B3GAT2: variants seen among roughly 807,000 people sequenced by gnomAD.
The protein encoded by B3GAT2 is galactosylgalactosylxylosylprotein 3-beta-glucuronosyltransferase 2.
B3GAT2 carries 26 observed loss-of-function variants against 27.8 expected under a neutral mutation model. That is an observed-to-expected ratio of 0.93 (90% CI 0.68 to 1.30). The LOEUF (loss-of-function observed/expected upper bound fraction) is 1.30. Ranked by LOEUF, B3GAT2 falls within the 50% of genes most tolerant of loss-of-function variation. B3GAT2 has a pLI of 0.00. For synonymous variants in B3GAT2, 218 were observed against 195.1 expected, an observed-to-expected ratio of 1.12 and a Z score of -0.98; for missense variants, 458 against 459.0, an observed-to-expected ratio of 1.00 and a Z score of 0.02.
intron 1 of B3GAT2, among the ~76,000 whole-genome samples, chr6:70,918,088 G>A (rs931550044): frequency 1.3e-5 from 2 of 152,124 alleles, no homozygotes; most frequent in Admixed American, 6.5e-5. Flanking sequence ...GGGTGCTCCT[G>A]TATTGGGTGC....
chr6:70,880,638 C>T (rs576821549), intron 2 of B3GAT2, among the ~76,000 whole-genome samples: 4 of 151,654 alleles, frequency 2.6e-5, no homozygotes, highest in African/African-American at 7.3e-5. Context: ...ACAGCGTGCA[C>T]CACCACAGCT....
At chr6:70,896,605 G>T (rs1042598105) in intron 1 of B3GAT2, among the ~76,000 whole-genome samples, 7 of 152,126 alleles carry the variant, frequency 4.6e-5, no homozygotes, top group Non-Finnish European at 7.4e-5. Flanking sequence ...ACATTAGTTT[G>T]CATCCTCTAG....
chr6:70,858,264 C>G lies in B3GAT2; in HGVS notation c.*3399G>C, dbSNP rs1554211076. On this transcript the variant is annotated 3_prime_UTR_variant, in exon 4 of 4. Transcript: ENST00000230053. ...ATTTACTTTCTAGCTTCTCCCAAAT[C>G]AAACCAGATTTATTTTCTAAATCTT... is the stretch of plus-strand genomic sequence containing the variant. 1.8e-6 allele frequency: 1 copy of G among 561,652 alleles called. No individual in the cohort carries two copies. The highest frequency in any genetic ancestry group is 3.1e-6 in the Non-Finnish European group (1 of 326,064). The allele number at this position is 561,652 out of a possible 1,614,324, so 34.8% of individuals were successfully genotyped here.
intron 2 of B3GAT2, among the ~76,000 whole-genome samples, chr6:70,888,110 G>A (rs1051396084): frequency 6.6e-6 from 1 of 152,204 alleles, no homozygotes; most frequent in Non-Finnish European, 1.5e-5. Context: ...TATGGATACA[G>A]GAGGCCCAGC....
chr6:70,915,381 T>C (rs945166118), intron 1 of B3GAT2, among the ~76,000 whole-genome samples: 2 of 152,238 alleles, frequency 1.3e-5, no homozygotes, highest in African/African-American at 4.8e-5. Flanking sequence ...TGGTAGTTTA[T>C]TTTGCTGTGC....
At chr6:70,897,041 G>A (rs1250445172) in intron 1 of B3GAT2, among the ~76,000 whole-genome samples, 3 of 152,056 alleles carry the variant, frequency 2.0e-5, no homozygotes, top group South Asian at 2.1e-4. Flanking sequence ...TGTAAGAGAC[G>A]TCTAGTTCCT....
At chr6:70,946,029 T>A (rs1765477328) in intron 1 of B3GAT2, among the ~76,000 whole-genome samples, 1 of 151,628 alleles carries the variant, frequency 6.6e-6, no homozygotes, top group Non-Finnish European at 1.5e-5. Context: ...TGCTGAGAGA[T>A]TTTGCCACCA....
At chr6:70,900,563 T>C (rs1001678333) in intron 1 of B3GAT2, among the ~76,000 whole-genome samples, 1 of 152,188 alleles carries the variant, frequency 6.6e-6, no homozygotes, top group African/African-American at 2.4e-5. Flanking sequence ...TTTTAAATTT[T>C]CTATAGAGTT....
At chr6:70,890,949 C>A (rs1321347780) in intron 2 of B3GAT2, among the ~76,000 whole-genome samples, 1 of 152,146 alleles carries the variant, frequency 6.6e-6, no homozygotes, top group South Asian at 2.1e-4. Flanking sequence ...GTTTTAAGTT[C>A]TCAACTTGAA....
In B3GAT2 at chr6:70,859,513, G is replaced by A. The variant is rs1771605749; in HGVS notation, c.*2150C>T. 7.9e-6 allele frequency: 6 copies of A among 757,330 alleles called. No individual in the cohort carries two copies. Among genetic ancestry groups the A allele is most frequent in the African/African-American group, 1.8e-5 (1 of 56,632 alleles). 46.9% of individuals were successfully genotyped at this position (757,330 alleles called of 1,614,324 possible). Reference sequence around the variant, plus strand: ...AAACTGTAAATAAGTCAAGTCAAATGTATTAAATTAAGAACACAGTCTAAC... The same window carrying A: ...AAACTGTAAATAAGTCAAGTCAAATATATTAAATTAAGAACACAGTCTAAC... On this transcript the variant is annotated 3_prime_UTR_variant, in exon 4 of 4. Transcript: ENST00000230053.
At position 70,956,482 on chromosome 6, in the gene B3GAT2, C is replaced by A; in HGVS notation, c.-53G>T. 6.5e-7 allele frequency: 1 copy of A among 1,547,728 alleles called. No homozygotes were observed. The highest frequency in any genetic ancestry group is 8.7e-7 in the Non-Finnish European group (1 of 1,145,896). ...CCCCAGAGAGGGGCGAGCCGAGGGA[C>A]CCCAGTGCGCAGCTTGGACAGCGGC... On this transcript the variant is annotated 5_prime_UTR_variant, in exon 1 of 4. Coordinates refer to ENST00000230053, the MANE Select transcript of B3GAT2 (RefSeq NM_080742.3).
chr6:70,919,129 C>A (rs1004693394), intron 1 of B3GAT2, among the ~76,000 whole-genome samples: 12 of 152,154 alleles, frequency 7.9e-5, no homozygotes, highest in Non-Finnish European at 1.6e-4. Context: ...TGTCTTCTTG[C>A]TTTATTTCAT....
At chr6:70,934,961 G>C (rs144664249) in intron 1 of B3GAT2, among the ~76,000 whole-genome samples, 1 of 152,126 alleles carries the variant, frequency 6.6e-6, no homozygotes, top group Non-Finnish European at 1.5e-5. Flanking sequence ...AATTGTAATG[G>C]TAAGTCAGTC....
intron 2 of B3GAT2, among the ~76,000 whole-genome samples, chr6:70,878,178 T>A (rs1310605696): frequency 2.0e-5 from 3 of 152,346 alleles, no homozygotes; most frequent in Non-Finnish European, 4.4e-5. Context: ...TATATAATTA[T>A]TAGATCAAGT....
chr6:70,884,279 C>A (rs1340462610), intron 2 of B3GAT2, among the ~76,000 whole-genome samples: 1 of 152,078 alleles, frequency 6.6e-6, no homozygotes, highest in Non-Finnish European at 1.5e-5. Flanking sequence ...TCAGAGAGCT[C>A]TGGAGTATAC....
At chr6:70,946,498 CG>C (rs1465539461) in intron 1 of B3GAT2, among the ~76,000 whole-genome samples, 1 of 151,794 alleles carries the variant, frequency 6.6e-6, no homozygotes, top group African/African-American at 2.4e-5. Flanking sequence ...CGTTACATAA[CG>C]GTAAAGGGAT....
intron 1 of B3GAT2, among the ~76,000 whole-genome samples, chr6:70,950,813 G>A (rs1171386920): frequency 1.3e-5 from 2 of 152,110 alleles, no homozygotes; most frequent in African/African-American, 2.4e-5. Context: ...AATAATACAC[G>A]TAAAACCCTA....
rs534742046 is a variant in B3GAT2, at chr6:70,896,404, A to C, written c.592-2132T>G. ...GATCCCTGAAATACTAATATAGAAT[A>C]AAATGCGCTTTTTAAAGTCTAAAAT... On this transcript the variant is annotated intron_variant, in intron 1 of 3. Transcript: ENST00000230053. Among the ~76,000 whole-genome samples the C allele has an allele frequency of 1.1e-3, 173 of 152,352 alleles. 1 individual carries two copies. The highest frequency in any genetic ancestry group is 3.9e-3 in the African/African-American group (163 of 41,584).
At chr6:70,942,225 T>C (rs1160639863) in intron 1 of B3GAT2, among the ~76,000 whole-genome samples, 3 of 152,182 alleles carry the variant, frequency 2.0e-5, no homozygotes, top group Non-Finnish European at 4.4e-5. Context: ...AAGATTCCAA[T>C]GGGCATGATT....
Sources: allele counts gnomAD v4.1 joint callset (sites outside exome capture counted in the v4.1 genomes callset), GRCh38; gene constraint gnomAD v4.1.1; transcripts MANE v1.5; gene names NCBI Gene and HGNC (gene_info 2026-07-23, HGNC 2026-07-21).